Variants in BARX2 observed in about 807,000 individuals in gnomAD.
BARX2 encodes BARX homeobox 2, also known as homeobox protein BarH-like 2.
In BARX2, 11 loss-of-function variants were observed where a neutral mutation model predicts 25.5. That is an observed-to-expected ratio of 0.43 (90% confidence interval 0.27 to 0.71). BARX2 has a LOEUF of 0.71. BARX2 is among the 30% of genes least tolerant of loss of function. BARX2 has a pLI of 0.19. For synonymous variants in BARX2, 137 were observed against 149.5 expected, an observed-to-expected ratio of 0.92 and a Z score of 0.61; for missense variants, 360 against 359.9, an observed-to-expected ratio of 1.00 and a Z score of 0.00.
intron 1 of BARX2, among the ~76,000 whole-genome samples, chr11:129,399,561 C>G (rs1335625216): frequency 6.6e-6 from 1 of 152,020 alleles, no homozygotes; most frequent in East Asian, 1.9e-4. Flanking sequence ...TGGCTTTGCC[C>G]AGAAAAGAAT....
At chr11:129,375,263 G>T (rs571286487), upstream of BARX2, among the ~76,000 whole-genome samples, 1 of 152,288 alleles carries the variant, frequency 6.6e-6, no homozygotes, top group African/African-American at 2.4e-5. This position sits in a 1 kb window ranked among gnomAD's most constrained non-coding sequence, Gnocchi z 4.0. Flanking sequence ...CGAGTGGAGG[G>T]CTTGGGAAGC....
rs149726811 is a variant in BARX2, at chr11:129,450,086, C to T, written c.574-1050C>T. The stretch of plus-strand genomic sequence containing the variant: ...ACAAGGTATTATTATTCCCATTTTA[C>T]AGATTAGAAAACGGACACTCAGGGC... On this transcript the variant is annotated intron_variant, in intron 3 of 3. Transcript: ENST00000281437. Among the ~76,000 whole-genome samples, 7 of 152,266 alleles carry T rather than the reference C, an allele frequency of 4.6e-5. No individual in the cohort carries two copies. The East Asian group carries it at 1.2e-3, about 25-fold the overall frequency.
Position 129,436,712 on chromosome 11 carries a change from C to G in BARX2, c.188-39C>G, listed in dbSNP as rs200567063. 2 of 1,529,898 alleles carry G rather than the reference C, an allele frequency of 1.3e-6. No individual in the cohort carries two copies. The highest frequency in any genetic ancestry group is 2.0e-5 in the Admixed American group (1 of 49,970). The allele number at this position is 1,529,898 out of a possible 1,614,324, so 94.8% of individuals were successfully genotyped here. ...CAGGTCCTGGCCTGCTTCCCCACAC[C>G]GTTCCCTGTGGTGACCTGCCTCCCT... On this transcript the variant is annotated intron_variant, in intron 1 of 3. Transcript: ENST00000281437. This position sits in a 1 kb window ranked among gnomAD's most constrained non-coding sequence, Gnocchi z 4.5.
chr11:129,395,607 C>G (rs1025863537), intron 1 of BARX2, among the ~76,000 whole-genome samples: 3 of 152,198 alleles, frequency 2.0e-5, no homozygotes, highest in African/African-American at 4.8e-5. Context: ...AGCCCTCTCT[C>G]TCTGCACCCA....
intron 1 of BARX2, among the ~76,000 whole-genome samples, chr11:129,431,921 G>A (rs1862133670): frequency 6.6e-6 from 1 of 151,712 alleles, no homozygotes; most frequent in South Asian, 2.1e-4. Flanking sequence ...TCTACTGAAG[G>A]TCTATGATCC....
intron 1 of BARX2, among the ~76,000 whole-genome samples, chr11:129,381,558 C>T (rs2135383060): frequency 6.6e-6 from 1 of 152,320 alleles, no homozygotes; most frequent in East Asian, 1.9e-4. Context: ...TTGCTACATA[C>T]AACTCAAATG....
At chr11:129,406,795 TTGATGATGA>T in intron 1 of BARX2, among the ~76,000 whole-genome samples, 1 of 152,132 alleles carries the variant, frequency 6.6e-6, no homozygotes, top group Non-Finnish European at 1.5e-5. Context: ...CATGAAATAA[TTGATGATGA>T]TGATGTTGAT....
At chr11:129,395,712 TG>T (rs1861713522) in intron 1 of BARX2, among the ~76,000 whole-genome samples, 1 of 152,186 alleles carries the variant, frequency 6.6e-6, no homozygotes, top group East Asian at 1.9e-4. Context: ...GGGTTTTGAC[TG>T]TCTTCTCCTT....
At chr11:129,442,754 T>C (rs1311460337) in intron 2 of BARX2, 81 bp from the exon 3 acceptor site, 1 of 1,254,312 alleles carries the variant, frequency 8.0e-7, no homozygotes, top group Non-Finnish European at 1.2e-6. Flanking sequence ...CTGGAGCCTG[T>C]CTGGAGCCTG....
At position 129,422,355 on chromosome 11, in the gene BARX2, A is replaced by G. The variant is rs543579920; in HGVS notation, c.188-14396A>G. On this transcript the variant is annotated intron_variant, in intron 1 of 3. Transcript: ENST00000281437. ...CTCTTGACACCCAGGCTGCAGTGCA[A>G]TGGTGCAATCGTAGCTCACTGCCTC... Among the ~76,000 whole-genome samples, 42 of 151,542 alleles carry G rather than the reference A, an allele frequency of 2.8e-4. No individual in the cohort carries two copies. In the East Asian group the frequency reaches 8.3e-3, roughly 30 times the overall value.
At chr11:129,443,371 G>C (rs1027372192) in intron 3 of BARX2, among the ~76,000 whole-genome samples, 3 of 152,156 alleles carry the variant, frequency 2.0e-5, no homozygotes, top group Admixed American at 1.3e-4. Context: ...CCCACCAAGA[G>C]CTAAAAATAG....
chr11:129,400,460 G>T (rs1341232600), intron 1 of BARX2, among the ~76,000 whole-genome samples: 1 of 152,166 alleles, frequency 6.6e-6, no homozygotes, highest in African/African-American at 2.4e-5. Context: ...CTGGAGTGAG[G>T]CTTTGGACAT....
At chr11:129,380,204 C>T (rs570173810) in intron 1 of BARX2, among the ~76,000 whole-genome samples, 1 of 152,102 alleles carries the variant, frequency 6.6e-6, no homozygotes, top group Non-Finnish European at 1.5e-5. Context: ...GCAGTCACAC[C>T]CAGGGGACAG....
chr11:129,386,533 C>T (rs1464829207), intron 1 of BARX2, among the ~76,000 whole-genome samples: 7 of 152,096 alleles, frequency 4.6e-5, no homozygotes. Flanking sequence ...GTATTGGGGA[C>T]TGTTAGAAGG....
At chr11:129,385,948 T>A (rs1861613506) in intron 1 of BARX2, among the ~76,000 whole-genome samples, 1 of 152,222 alleles carries the variant, frequency 6.6e-6, no homozygotes, top group Non-Finnish European at 1.5e-5. Flanking sequence ...TTGTACATAG[T>A]CTCACAGTGG....
At chr11:129,429,878 TA>T (rs1261925203) in intron 1 of BARX2, among the ~76,000 whole-genome samples, 1 of 152,210 alleles carries the variant, frequency 6.6e-6, no homozygotes, top group Non-Finnish European at 1.5e-5. Context: ...GTATACTCCC[TA>T]AAATATTTTC....
In BARX2 at chr11:129,418,660, G is replaced by A. The variant is rs767843739; in HGVS notation, c.188-18091G>A. ...AAGAAGTTGATGTGATCTCTATCAC[G>A]AATGAAAACATATCCTTTATACTGC... On this transcript the variant is annotated intron_variant, in intron 1 of 3. Coordinates refer to ENST00000281437, the MANE Select transcript of BARX2 (RefSeq NM_003658.5). 6.6e-5 allele frequency among the ~76,000 whole-genome samples: 10 copies of A among 152,200 alleles called. No homozygotes were observed. In the East Asian group the frequency reaches 7.7e-4, roughly 12 times the overall value.
chr11:129,403,058 C>G (rs191308028), intron 1 of BARX2, among the ~76,000 whole-genome samples: 3 of 152,368 alleles, frequency 2.0e-5, no homozygotes, highest in Admixed American at 2.0e-4. Context: ...AGGTGGAATA[C>G]TAATGGTGTC....
chr11:129,414,237 C>T (rs1289973921), intron 1 of BARX2, among the ~76,000 whole-genome samples: 4 of 151,904 alleles, frequency 2.6e-5, no homozygotes, highest in South Asian at 4.2e-4. Flanking sequence ...TTTTCTGACA[C>T]GGTTTAAGTT....
Sources: gnomAD v4.1 joint callset for allele counts (sites outside exome capture counted in the v4.1 genomes callset) on GRCh38, gnomAD v4.1.1 for gene constraint, Gnocchi (gnomAD v3.1) non-coding constraint, MANE v1.5 for transcripts, NCBI Gene and HGNC (gene_info 2026-07-23, HGNC 2026-07-21) for gene names.